GRIK4: variants seen among roughly 807,000 people sequenced by gnomAD.
GRIK4 encodes glutamate receptor ionotropic, kainate 4.
In GRIK4, 40 loss-of-function variants were observed where a neutral mutation model predicts 104.9. The ratio of observed to expected loss-of-function variants is 0.38; its 90% CI spans 0.30 to 0.50. The LOEUF (loss-of-function observed/expected upper bound fraction) is 0.50. Among genes scored for constraint, GRIK4 ranks in the 20% least tolerant of loss-of-function variants. The pLI is 0.93. For synonymous variants in GRIK4, 485 were observed against 524.9 expected (o/e 0.92, Z 1.04); for missense variants, 1,047 against 1,308.1 (o/e 0.80, Z 3.08).
intron 1 of GRIK4, among the ~76,000 whole-genome samples, chr11:120,626,170 G>A (rs1232426464): frequency 6.6e-6 from 1 of 152,152 alleles, no homozygotes; most frequent in African/African-American, 2.4e-5. Flanking sequence ...TTATGTACAT[G>A]TATCTCTTTG....
rs148927082 is a variant in GRIK4, at chr11:120,917,011, C to T, written c.1476+11518C>T. ...CTGTAATCCCAGCACTTTGGGAGGC[C>T]GAGGCGAGCGGATCACCTGAGGTCA... is the stretch of plus-strand genomic sequence containing the variant. On this transcript the variant is annotated intron_variant, in intron 13 of 20. Transcript: ENST00000527524. 5.9e-3 allele frequency among the ~76,000 whole-genome samples: 902 copies of T among 151,832 alleles called. 11 individuals are homozygous for T. Among genetic ancestry groups the T allele is most frequent in the African/African-American group, 0.019 (780 of 41,398 alleles).
intron 8 of GRIK4, among the ~76,000 whole-genome samples, chr11:120,847,271 C>T (rs923814282): frequency 6.6e-6 from 1 of 152,174 alleles, no homozygotes; most frequent in African/African-American, 2.4e-5. Flanking sequence ...CCTAGATCAG[C>T]ATTAACTGAG....
At chr11:120,746,551 C>G (rs1003194885) in intron 3 of GRIK4, among the ~76,000 whole-genome samples, 1 of 152,164 alleles carries the variant, frequency 6.6e-6, no homozygotes, top group African/African-American at 2.4e-5. Flanking sequence ...AGCCCAGGGT[C>G]AACGAATGTG....
intron 1 of GRIK4, among the ~76,000 whole-genome samples, chr11:120,579,054 C>G (rs757728602): frequency 6.6e-6 from 1 of 152,202 alleles, no homozygotes; most frequent in Non-Finnish European, 1.5e-5. Context: ...GAGGCATACT[C>G]CTACCTGAAT....
intron 8 of GRIK4, among the ~76,000 whole-genome samples, chr11:120,851,882 A>G (rs999012430): frequency 6.6e-6 from 1 of 152,144 alleles, no homozygotes; most frequent in Non-Finnish European, 1.5e-5. Context: ...ATCTTCCTAA[A>G]CAACTCCTTG....
intron 12 of GRIK4, among the ~76,000 whole-genome samples, chr11:120,904,739 C>T (rs1412682398): frequency 6.6e-6 from 1 of 152,200 alleles, no homozygotes; most frequent in Non-Finnish European, 1.5e-5. Flanking sequence ...CTGGCCCATG[C>T]CTTTCATTCA....
rs765839305 is a variant in GRIK4 at position 120,956,949 on chromosome 11, G to A, written c.1870G>A (p.Val624Ile). Residue 624 changes from valine to isoleucine, a missense_variant, in exon 16 of 21, where the codon GTC (valine) becomes ATC (isoleucine). Transcript: ENST00000527524. The surrounding 1 kb of genome is among the most constrained non-coding windows in gnomAD (Gnocchi z 4.6). ...CTTATCCACCCGCTGTGTCAGTGGC[G>A]TCTGGTAAGGCCCCAGGCAGAGGTG... ...RALSTRCVSG[V>I]WWAFTLIIIS... 2.5e-5 allele frequency: 40 copies of A among 1,604,352 alleles called. No individual in the cohort carries two copies. The highest frequency in any genetic ancestry group is 1.7e-4 in the Middle Eastern group (1 of 6,046).
At chr11:120,634,058 C>G (rs956322411) in intron 1 of GRIK4, among the ~76,000 whole-genome samples, 1 of 152,184 alleles carries the variant, frequency 6.6e-6, no homozygotes, top group Non-Finnish European at 1.5e-5. Flanking sequence ...GTTAGAGCAG[C>G]GGCTGCACCT....
chr11:120,950,681 T>G (rs931828771), intron 14 of GRIK4, among the ~76,000 whole-genome samples: 2 of 152,170 alleles, frequency 1.3e-5, no homozygotes, highest in Admixed American at 1.3e-4. Flanking sequence ...GCTTCTGGAC[T>G]CTGTATATGG....
chr11:120,897,926 C>T (rs955057862), intron 11 of GRIK4, among the ~76,000 whole-genome samples: 6 of 151,896 alleles, frequency 4.0e-5, no homozygotes, highest in Non-Finnish European at 7.4e-5. Context: ...TGAGAAGCTC[C>T]GAGAAGGCAG....
At chr11:120,581,069 T>C (rs1212695505) in intron 1 of GRIK4, among the ~76,000 whole-genome samples, 1 of 152,256 alleles carries the variant, frequency 6.6e-6, no homozygotes, top group East Asian at 1.9e-4. Flanking sequence ...GTATCTTTTC[T>C]TGGTGAAGTA....
intron 13 of GRIK4, among the ~76,000 whole-genome samples, chr11:120,929,553 G>A (rs1943435813): frequency 6.6e-6 from 1 of 152,198 alleles, no homozygotes; most frequent in African/African-American, 2.4e-5. Flanking sequence ...ATGTTATTCT[G>A]CTCAAATGCA....
At chr11:120,921,733 C>T (rs1943232748) in intron 13 of GRIK4, among the ~76,000 whole-genome samples, 1 of 150,558 alleles carries the variant, frequency 6.6e-6, no homozygotes, top group Non-Finnish European at 1.5e-5. Flanking sequence ...TGCCCTCCCT[C>T]CTCTCTCCAT....
intron 3 of GRIK4, among the ~76,000 whole-genome samples, chr11:120,754,474 T>C (rs1951618773): frequency 6.6e-6 from 1 of 152,234 alleles, no homozygotes; most frequent in Non-Finnish European, 1.5e-5. Flanking sequence ...CTCTACCACA[T>C]TTTATTTGTT....
chr11:120,781,311 G>A (rs1047820968), intron 3 of GRIK4, among the ~76,000 whole-genome samples: 2 of 151,918 alleles, frequency 1.3e-5, no homozygotes, highest in East Asian at 3.9e-4. Context: ...CAAAAATTGT[G>A]GGCATGGGGT....
At chr11:120,649,005 G>A (rs980201809) in intron 1 of GRIK4, among the ~76,000 whole-genome samples, 3 of 152,200 alleles carry the variant, frequency 2.0e-5, no homozygotes, top group Non-Finnish European at 2.9e-5. Flanking sequence ...CTGGTGCCAG[G>A]GCCTTGCCCC....
Position 120,987,703 on chromosome 11 carries a change from T to A in GRIK4, c.*1443T>A, listed in dbSNP as rs574100780. The stretch of plus-strand genomic sequence containing the variant: ...TACTGATGCTGTCCAGGTTACCAGG[T>A]GACTGCTAGTGACTGCTCTCCATGT... On this transcript the variant is annotated 3_prime_UTR_variant, in exon 21 of 21. Transcript: ENST00000527524. 11 of 152,314 alleles carry A rather than the reference T, an allele frequency of 7.2e-5. No homozygotes were observed. Among genetic ancestry groups the A allele is most frequent in the African/African-American group, 2.6e-4 (11 of 41,556 alleles). 9.4% of individuals were successfully genotyped at this position (152,314 alleles called of 1,614,324 possible). A position where few individuals can be genotyped will look rare whatever the true frequency, so the allele number is the denominator to read the frequency against.
Position 120,902,955 on chromosome 11 carries a change from G to A in GRIK4, c.1273-2335G>A, listed in dbSNP as rs542543346. Among the ~76,000 whole-genome samples, 4 of 152,012 alleles carry A rather than the reference G, an allele frequency of 2.6e-5. No homozygotes were observed. Among genetic ancestry groups the A allele is most frequent in the Non-Finnish European group, 2.9e-5 (2 of 67,984 alleles). On this transcript the variant is annotated intron_variant, in intron 12 of 20. Coordinates refer to ENST00000527524, the MANE Select transcript of GRIK4 (RefSeq NM_014619.5). The surrounding 1 kb of genome is among the most constrained non-coding windows in gnomAD (Gnocchi z 4.5). ...ACGTCACCTTCCACTCAGAGCTCCC[G>A]CTCCCTGACACATGACCTTTGCCTT...
chr11:120,564,347 C>G (rs1304576131), intron 1 of GRIK4: 1 of 152,098 alleles, frequency 6.6e-6, no homozygotes, highest in Non-Finnish European at 1.5e-5. Flanking sequence ...TGTGCGCTCG[C>G]GGGGAGGGGG....
Sources: gnomAD v4.1 joint callset for allele counts (sites outside exome capture counted in the v4.1 genomes callset) on GRCh38, gnomAD v4.1.1 for gene constraint, Gnocchi (gnomAD v3.1) non-coding constraint, MANE v1.5 for transcripts, NCBI Gene and HGNC (gene_info 2026-07-23, HGNC 2026-07-21) for gene names.